The following GLRA3 variants were observed in gnomAD, a reference collection of about 807,000 sequenced individuals.
GLRA3 encodes glycine receptor subunit alpha-3.
Under a neutral mutation model 60.4 loss-of-function variants are expected in GLRA3, and 44 were observed. The ratio of observed to expected loss-of-function variants is 0.73; its 90% CI spans 0.57 to 0.94. GLRA3 has a LOEUF of 0.94. Ranked by LOEUF, GLRA3 falls within the 40% of genes least tolerant of loss-of-function variation. The pLI, the probability that GLRA3 is intolerant of heterozygous loss-of-function variation, is 0.00. For synonymous variants in GLRA3, 223 were observed against 192.9 expected (o/e 1.16, Z -1.29); for missense variants, 508 against 564.6 (o/e 0.90, Z 1.02).
In GLRA3 at chr4:174,711,629, G is replaced by A. The variant is rs1034586988; in HGVS notation, c.574+3859C>T. Among the ~76,000 whole-genome samples, 11 of 151,718 alleles carry A rather than the reference G, an allele frequency of 7.3e-5. No individual in the cohort carries two copies. The South Asian group carries it at 1.7e-3, about 23-fold the overall frequency. On this transcript the variant is annotated intron_variant, in intron 5 of 9. Coordinates refer to ENST00000274093, the MANE Select transcript of GLRA3 (RefSeq NM_006529.4). ...TAATTTTTGTATTTTTAGTAGAGAT[G>A]GGGTTTCACTATATTGGCTAGGCTG... is the stretch of plus-strand genomic sequence containing the variant.
intron 2 of GLRA3, among the ~76,000 whole-genome samples, chr4:174,787,220 CT>C (rs1739158415): frequency 6.6e-6 from 1 of 152,082 alleles, no homozygotes; most frequent in Non-Finnish European, 1.5e-5. Context: ...TGTTTATATG[CT>C]TTTTAAATAT....
intron 3 of GLRA3, among the ~76,000 whole-genome samples, chr4:174,738,799 C>T (rs1162997075): frequency 6.6e-6 from 1 of 152,152 alleles, no homozygotes; most frequent in Non-Finnish European, 1.5e-5. Flanking sequence ...TATTGTAGGA[C>T]AAGAACAACA....
chr4:174,715,040 C>T (rs1371268374), intron 5 of GLRA3, among the ~76,000 whole-genome samples: 1 of 152,160 alleles, frequency 6.6e-6, no homozygotes, highest in African/African-American at 2.4e-5. Context: ...TTGTCACTGT[C>T]ACCTTTGTGA....
intron 9 of GLRA3, among the ~76,000 whole-genome samples, chr4:174,647,155 G>A (rs1173764442): frequency 6.6e-6 from 1 of 152,078 alleles, no homozygotes. Flanking sequence ...GCCCATAATC[G>A]CAGAACTTTG....
At chr4:174,742,705 T>C (rs544120081) in intron 3 of GLRA3, among the ~76,000 whole-genome samples, 53 of 152,322 alleles carry the variant, frequency 3.5e-4, no homozygotes, top group Admixed American at 5.2e-4. Flanking sequence ...AGAAAAATGA[T>C]AGCTTTTAAA....
At chr4:174,696,359 AAAAC>A (rs1314902674) in intron 5 of GLRA3, among the ~76,000 whole-genome samples, 1 of 151,422 alleles carries the variant, frequency 6.6e-6, no homozygotes, top group Non-Finnish European at 1.5e-5. Context: ...TTTTTAAAGA[AAAAC>A]AAATTTTATT....
chr4:174,819,048 T>A (rs1327177058), intron 1 of GLRA3, among the ~76,000 whole-genome samples: 1 of 152,142 alleles, frequency 6.6e-6, no homozygotes, highest in African/African-American at 2.4e-5. Flanking sequence ...AACTTGTACG[T>A]CTCTTTTTTA....
intron 5 of GLRA3, among the ~76,000 whole-genome samples, chr4:174,700,032 AAACT>A (rs1292948070): frequency 1.3e-5 from 2 of 152,124 alleles, no homozygotes; most frequent in African/African-American, 4.8e-5. Flanking sequence ...TAAAAATGAA[AAACT>A]AACTCAAGGT....
At position 174,638,883 on chromosome 4, in the gene GLRA3, C is replaced by T. The variant is rs1022236020; in HGVS notation, c.*4903G>A. The T allele has an allele frequency of 5.3e-5, 8 of 152,074 alleles. No homozygotes were observed. Among genetic ancestry groups the T allele is most frequent in the Non-Finnish European group, 1.2e-4 (8 of 68,008 alleles). The allele number at this position is 152,074 out of a possible 1,614,324, so 9.4% of individuals were successfully genotyped here. A position where few individuals can be genotyped will look rare whatever the true frequency, so the allele number is the denominator to read the frequency against. On this transcript the variant is annotated 3_prime_UTR_variant, in exon 10 of 10. Coordinates refer to ENST00000274093, the MANE Select transcript of GLRA3 (RefSeq NM_006529.4). ...AATCATAATCTTCTATGTTGGACACCAAGCATATGTATGTATTTTTAAAAT... is the reference window on the plus strand; with the variant it reads ...AATCATAATCTTCTATGTTGGACACTAAGCATATGTATGTATTTTTAAAAT...
chr4:174,767,954 G>A (rs1738220874), intron 2 of GLRA3, among the ~76,000 whole-genome samples: 1 of 152,144 alleles, frequency 6.6e-6, no homozygotes, highest in South Asian at 2.1e-4. Flanking sequence ...CCCAACTAGT[G>A]TCACAGCCTT....
chr4:174,646,908 C>T (rs113371184), intron 9 of GLRA3, among the ~76,000 whole-genome samples: 1 of 152,242 alleles, frequency 6.6e-6, no homozygotes, highest in African/African-American at 2.4e-5. Flanking sequence ...CCAAATGTTC[C>T]AGGAGGGAGT....
intron 3 of GLRA3, among the ~76,000 whole-genome samples, chr4:174,759,716 C>T (rs1737867550): frequency 6.6e-6 from 1 of 152,064 alleles, no homozygotes; most frequent in Admixed American, 6.5e-5. Context: ...TCAGTGCAGG[C>T]ATAGACAAAT....
chr4:174,663,063 T>G (rs1020983123), intron 7 of GLRA3, among the ~76,000 whole-genome samples: 1 of 152,108 alleles, frequency 6.6e-6, no homozygotes, highest in Non-Finnish European at 1.5e-5. Flanking sequence ...TACCTTCAAT[T>G]GGGTTGATTT....
chr4:174,683,641 G>T lies in GLRA3; in HGVS notation c.575-702C>A, dbSNP rs181813560. On this transcript the variant is annotated intron_variant, in intron 5 of 9. Transcript: ENST00000274093. ...TGGGATTACAGGCGTCAGCCACCGCGCCCAGACAGAAAAATGACTTAAACT... is the reference window on the plus strand; with the variant it reads ...TGGGATTACAGGCGTCAGCCACCGCTCCCAGACAGAAAAATGACTTAAACT... 6.0e-4 allele frequency among the ~76,000 whole-genome samples: 91 copies of T among 152,222 alleles called. No homozygotes were observed. In the East Asian group the frequency reaches 0.016, roughly 27 times the overall value.
chr4:174,749,865 CAT>C (rs1737399439), intron 3 of GLRA3, among the ~76,000 whole-genome samples: 1 of 151,992 alleles, frequency 6.6e-6, no homozygotes, highest in South Asian at 2.1e-4. Context: ...TGCAGAGTGA[CAT>C]ATATGAGTGT....
intron 3 of GLRA3, among the ~76,000 whole-genome samples, chr4:174,737,960 T>G (rs1352866184): frequency 6.6e-6 from 1 of 152,180 alleles, no homozygotes; most frequent in South Asian, 2.1e-4. Context: ...GGTTAAAAAT[T>G]AAAGGAAAAA....
At chr4:174,784,490 A>C (rs1386528465) in intron 2 of GLRA3, among the ~76,000 whole-genome samples, 2 of 145,626 alleles carry the variant, frequency 1.4e-5, no homozygotes, top group Non-Finnish European at 3.0e-5. Flanking sequence ...ACAAAAAAAA[A>C]ACCAAAAACA....
intron 7 of GLRA3, 74 bp from the exon 8 acceptor site, chr4:174,659,271 T>C: frequency 9.1e-7 from 1 of 1,099,176 alleles, no homozygotes; most frequent in Non-Finnish European, 1.3e-6. Context: ...AACTGAGTTT[T>C]TCTGATTCTG....
intron 1 of GLRA3, among the ~76,000 whole-genome samples, chr4:174,805,386 G>T (rs1032745990): frequency 6.6e-6 from 1 of 152,038 alleles, no homozygotes; most frequent in Non-Finnish European, 1.5e-5. Flanking sequence ...CTTCCATCTT[G>T]CACTCTTTTG....
Sources: gnomAD v4.1 joint callset for allele counts (sites outside exome capture counted in the v4.1 genomes callset) on GRCh38, gnomAD v4.1.1 for gene constraint, MANE v1.5 for transcripts, NCBI Gene and HGNC (gene_info 2026-07-23, HGNC 2026-07-21) for gene names.